The following SFMBT2 variants were observed in gnomAD, a reference collection of about 807,000 sequenced individuals.
SFMBT2 encodes the protein Scm like with four mbt domains 2, also known as scm-like with four MBT domains protein 2.
A neutral mutation model predicts 110.1 loss-of-function variants in SFMBT2; 38 were observed. The observed-to-expected ratio is 0.35, with a 90% confidence interval of 0.27 to 0.45. The LOEUF (loss-of-function observed/expected upper bound fraction) is 0.45, where lower values mean the gene tolerates loss of function less well. SFMBT2 is among the 20% of genes least tolerant of loss of function. The pLI is 1.00. For synonymous variants in SFMBT2, 425 were observed against 425.4 expected (o/e 1.00, Z 0.01); for missense variants, 1,011 against 1,094.9 (o/e 0.92, Z 1.08).
chr10:7,181,544 A>T (rs554298606), intron 16 of SFMBT2, among the ~76,000 whole-genome samples: 6 of 152,210 alleles, frequency 3.9e-5, no homozygotes, highest in Non-Finnish European at 7.3e-5. Flanking sequence ...TTTCAAAAGC[A>T]CTTAGAAATA....
At chr10:7,257,123 G>GAGGGGAGGGGAGGGGAGAGAAAAGA (rs1288833965) in intron 7 of SFMBT2, among the ~76,000 whole-genome samples, 1 of 129,232 alleles carries the variant, frequency 7.7e-6, no homozygotes, top group Non-Finnish European at 1.8e-5. Flanking sequence ...GAGGGGAGGG[G>GAGGGGAGGGGAGGGGAGAGAAAAGA]AAAGAAAAGA....
chr10:7,368,250 G>C (rs893615905), intron 3 of SFMBT2: 1 of 746,486 alleles, frequency 1.3e-6, no homozygotes, highest in African/African-American at 1.9e-5. Flanking sequence ...TCTACACTCA[G>C]AGCACATCTG....
intron 7 of SFMBT2, among the ~76,000 whole-genome samples, chr10:7,254,498 A>G (rs536346207): frequency 6.6e-6 from 1 of 152,180 alleles, no homozygotes; most frequent in Non-Finnish European, 1.5e-5. Flanking sequence ...CTTAATTTGG[A>G]AGACGAAAAT....
At chr10:7,215,541 G>A in intron 11 of SFMBT2, 9 of 985,274 alleles carry the variant, frequency 9.1e-6, no homozygotes, top group Non-Finnish European at 1.1e-5. Context: ...GTACATGGGG[G>A]CTCCAGGGCA....
At chr10:7,332,605 T>C (rs1213521530) in intron 4 of SFMBT2, among the ~76,000 whole-genome samples, 4 of 152,248 alleles carry the variant, frequency 2.6e-5, no homozygotes, top group Non-Finnish European at 5.9e-5. Flanking sequence ...ATGCTTTTTA[T>C]TAAAACAAGC....
intron 4 of SFMBT2, among the ~76,000 whole-genome samples, chr10:7,324,341 G>T (rs542745848): frequency 6.6e-6 from 1 of 152,248 alleles, no homozygotes; most frequent in South Asian, 2.1e-4. Flanking sequence ...TAAACACTGC[G>T]GTTCAGCAAC....
At chr10:7,178,779 T>C (rs1838153014) in intron 16 of SFMBT2, among the ~76,000 whole-genome samples, 1 of 152,216 alleles carries the variant, frequency 6.6e-6, no homozygotes, top group Non-Finnish European at 1.5e-5. Context: ...ACAGCCCTTA[T>C]CCAAATATTT....
At chr10:7,363,302 T>C (rs985413904) in intron 4 of SFMBT2, among the ~76,000 whole-genome samples, 4 of 152,132 alleles carry the variant, frequency 2.6e-5, no homozygotes, top group Non-Finnish European at 5.9e-5. Flanking sequence ...CCTTCTACCA[T>C]GACTGTGAGG....
chr10:7,351,687 A>G lies in SFMBT2; in HGVS notation c.436+15962T>C, dbSNP rs200053307. On this transcript the variant is annotated intron_variant, in intron 4 of 20. Coordinates refer to ENST00000397167, the MANE Select transcript of SFMBT2 (RefSeq NM_001387889.1). ...TATGATCAAAATTCTCTGAGCTCAC[A>G]GGGGGTAAAAAGGCAACTCTTCGAC... Among the ~76,000 whole-genome samples, 72 of 152,292 alleles carry G rather than the reference A, an allele frequency of 4.7e-4. No homozygotes were observed. The East Asian group carries it at 4.8e-3, about 10-fold the overall frequency.
At chr10:7,316,997 G>A (rs1317650145) in intron 4 of SFMBT2, among the ~76,000 whole-genome samples, 2 of 152,196 alleles carry the variant, frequency 1.3e-5, no homozygotes, top group Non-Finnish European at 2.9e-5. Flanking sequence ...TATCTAGTGT[G>A]TGGCAGAGCT....
chr10:7,344,442 A>T (rs1844036728), intron 4 of SFMBT2, among the ~76,000 whole-genome samples: 1 of 152,184 alleles, frequency 6.6e-6, no homozygotes, highest in Admixed American at 6.5e-5. Flanking sequence ...CTTGCCTGCC[A>T]CCATGTAAGA....
chr10:7,363,333 T>G (rs1310260473), intron 4 of SFMBT2, among the ~76,000 whole-genome samples: 1 of 152,050 alleles, frequency 6.6e-6, no homozygotes, highest in African/African-American at 2.4e-5. Context: ...CATGTGGAAC[T>G]GTGACTCCAT....
At chr10:7,323,450 C>CAAAAAAAAAAAAAAAAAACAAAAAA (rs1843262511) in intron 4 of SFMBT2, among the ~76,000 whole-genome samples, 1 of 22,906 alleles carries the variant, frequency 4.4e-5, no homozygotes, top group Non-Finnish European at 8.9e-5. Flanking sequence ...GACTCCATCT[C>CAAAAAAAAAAAAAAAAAACAAAAAA]AAAAAAAAAA....
intron 4 of SFMBT2, among the ~76,000 whole-genome samples, chr10:7,340,027 G>A (rs930385458): frequency 6.6e-6 from 1 of 152,222 alleles, no homozygotes; most frequent in African/African-American, 2.4e-5. Flanking sequence ...GACGGGGCAT[G>A]AGTGTGCAAG....
At chr10:7,242,313 T>C (rs1362337358) in intron 9 of SFMBT2, among the ~76,000 whole-genome samples, 2 of 152,154 alleles carry the variant, frequency 1.3e-5, no homozygotes, top group Non-Finnish European at 2.9e-5. Flanking sequence ...AGCCAGTGTG[T>C]ACCAACAGAG....
intron 9 of SFMBT2, chr10:7,241,232 C>T: frequency 5.9e-6 from 4 of 677,276 alleles, no homozygotes; most frequent in Non-Finnish European, 7.3e-6. Context: ...CATTAAACCC[C>T]TTCTCCTATA....
chr10:7,353,210 A>G (rs1844382846), intron 4 of SFMBT2, among the ~76,000 whole-genome samples: 1 of 152,126 alleles, frequency 6.6e-6, no homozygotes, highest in African/African-American at 2.4e-5. Context: ...CCAGGCACAG[A>G]ATAGAACCCC....
At chr10:7,410,461 T>C (rs1359670981) in intron 1 of SFMBT2, among the ~76,000 whole-genome samples, 1 of 152,248 alleles carries the variant, frequency 6.6e-6, no homozygotes, top group East Asian at 1.9e-4. Context: ...ACGAGGAAGG[T>C]GGGCGGCGGG....
At chr10:7,340,481 G>C (rs1843859258) in intron 4 of SFMBT2, among the ~76,000 whole-genome samples, 1 of 151,852 alleles carries the variant, frequency 6.6e-6, no homozygotes, top group African/African-American at 2.4e-5. Context: ...ACCTTTCTAA[G>C]TCAGTCCTGC....
Sources: gnomAD v4.1 joint callset for allele counts (sites outside exome capture counted in the v4.1 genomes callset) on GRCh38, gnomAD v4.1.1 for gene constraint, MANE v1.5 for transcripts, NCBI Gene and HGNC (gene_info 2026-07-23, HGNC 2026-07-21) for gene names.